Variants in SLC22A24 observed in about 807,000 individuals in gnomAD.
SLC22A24 encodes solute carrier family 22 member 24.
SLC22A24 carries 53 observed loss-of-function variants against 49.8 expected under a neutral mutation model. That is an observed-to-expected ratio of 1.06 (90% CI 0.85 to 1.34). The LOEUF (loss-of-function observed/expected upper bound fraction) is 1.34, where lower values mean the gene tolerates loss of function less well. Among genes scored for constraint, SLC22A24 ranks in the 40% most tolerant of loss-of-function variants. SLC22A24 has a pLI of 0.00. For missense variants in SLC22A24, 786 were observed against 675.9 expected (o/e 1.16, Z -1.81); for synonymous variants, 302 against 256.4 (o/e 1.18, Z -1.70).
chr11:63,115,374 G>A (rs1190026915), intron 4 of SLC22A24, among the ~76,000 whole-genome samples: 2 of 152,226 alleles, frequency 1.3e-5, no homozygotes, highest in Non-Finnish European at 2.9e-5. Flanking sequence ...AGTGAGCCAG[G>A]CATGGGAGAG....
chr11:63,136,385 A>C (rs567180922), intron 1 of SLC22A24, among the ~76,000 whole-genome samples: 1 of 152,344 alleles, frequency 6.6e-6, no homozygotes, highest in South Asian at 2.1e-4. Context: ...CAACACCTGC[A>C]ACTGGCACTG....
At chr11:63,118,308 C>T (rs1318617256) in intron 4 of SLC22A24, among the ~76,000 whole-genome samples, 3 of 152,104 alleles carry the variant, frequency 2.0e-5, no homozygotes, top group East Asian at 1.9e-4. Context: ...CACTTTCTTA[C>T]TGGGACTCAG....
At chr11:63,091,105 C>T (rs1427282507) in intron 6 of SLC22A24, among the ~76,000 whole-genome samples, 1 of 152,114 alleles carries the variant, frequency 6.6e-6, no homozygotes. Context: ...TACAAACTAC[C>T]ATCAAAGAAT....
intron 2 of SLC22A24, among the ~76,000 whole-genome samples, chr11:63,129,310 C>T (rs1257695483): frequency 6.6e-6 from 1 of 152,058 alleles, no homozygotes; most frequent in Non-Finnish European, 1.5e-5. Context: ...ATTTCTGAAG[C>T]TTCTATTCTG....
chr11:63,135,886 G>A (rs945492656), intron 1 of SLC22A24, among the ~76,000 whole-genome samples: 1 of 152,206 alleles, frequency 6.6e-6, no homozygotes, highest in Admixed American at 6.5e-5. Context: ...GATGAGGAGT[G>A]TAGTGGCTGG....
At chr11:63,091,074 T>A (rs1180714718) in intron 6 of SLC22A24, among the ~76,000 whole-genome samples, 4 of 149,560 alleles carry the variant, frequency 2.7e-5, no homozygotes, top group African/African-American at 9.7e-5. Flanking sequence ...AAAAGAGGTA[T>A]CACCACTGAT....
intron 5 of SLC22A24, among the ~76,000 whole-genome samples, chr11:63,097,002 A>T (rs915663488): frequency 2.2e-4 from 34 of 152,178 alleles, no homozygotes; most frequent in African/African-American, 8.2e-4. Flanking sequence ...CATTATTTTT[A>T]AAAATAATAT....
At chr11:63,139,561 C>T (rs763267093) in intron 1 of SLC22A24, among the ~76,000 whole-genome samples, 2 of 152,144 alleles carry the variant, frequency 1.3e-5, no homozygotes, top group African/African-American at 2.4e-5. Context: ...GATATGGAAA[C>T]ATCCCCAACC....
intron 5 of SLC22A24, among the ~76,000 whole-genome samples, chr11:63,097,136 C>T (rs1360942829): frequency 6.6e-6 from 1 of 151,986 alleles, no homozygotes; most frequent in East Asian, 1.9e-4. Context: ...AGCAGGCAAC[C>T]TACAGAATGG....
At chr11:63,127,068 T>G (rs2087296650) in intron 2 of SLC22A24, among the ~76,000 whole-genome samples, 1 of 152,132 alleles carries the variant, frequency 6.6e-6, no homozygotes, top group African/African-American at 2.4e-5. Flanking sequence ...CATATTGGTT[T>G]GCTGCACCCA....
intron 4 of SLC22A24, among the ~76,000 whole-genome samples, chr11:63,113,574 G>A (rs1163512529): frequency 6.6e-6 from 1 of 151,812 alleles, no homozygotes; most frequent in Non-Finnish European, 1.5e-5. Flanking sequence ...AGAATGTTGA[G>A]GCCGGGCACA....
At chr11:63,104,009 T>G in intron 5 of SLC22A24, 166 bp downstream of exon 5, 1 of 590,308 alleles carries the variant, frequency 1.7e-6, no homozygotes, top group South Asian at 3.1e-5. Context: ...TCAATATCTA[T>G]ATCCAAATCT....
At chr11:63,129,908 A>G (rs2087321322) in intron 2 of SLC22A24, among the ~76,000 whole-genome samples, 1 of 152,176 alleles carries the variant, frequency 6.6e-6, no homozygotes, top group Non-Finnish European at 1.5e-5. Context: ...GTATACAATA[A>G]TTTCATCTGC....
Position 63,119,187 on chromosome 11 carries a change from T to C in SLC22A24, c.655A>G (p.Ile219Val). The change falls in exon 3 of 10, where the codon ATT becomes GTT. Residue 219 changes from isoleucine (I) to valine (V), a missense_variant. By Grantham distance (29) the Ile-to-Val change is conservative. Coordinates refer to ENST00000612278, the MANE Select transcript of SLC22A24 (RefSeq NM_001136506.2). Reference sequence around the variant, plus strand: ...GCTCAAATTATTGACTTACTGAGAATAAAAGTGTTTCCCAAAATAGTCATG... The same window carrying C: ...GCTCAAATTATTGACTTACTGAGAACAAAAGTGTTTCCCAAAATAGTCATG... The part of the protein sequence containing the change: ...STMTILGNTF[I>V]LSLEWTLPRS... 2 of 1,541,494 alleles carry C rather than the reference T, an allele frequency of 1.3e-6. No homozygotes were observed. The highest frequency in any genetic ancestry group is 4.9e-5 in the East Asian group (2 of 40,852).
chr11:63,080,960 C>A lies in SLC22A24; in HGVS notation c.1558G>T (p.Asp520Tyr). Residue 520 changes from aspartate to tyrosine, a missense_variant, in exon 9 of 10, where the codon GAT becomes TAT. Asp to Tyr is a radical substitution (Grantham distance 160). Coordinates refer to ENST00000612278, the MANE Select transcript of SLC22A24 (RefSeq NM_001136506.2). The stretch of plus-strand genomic sequence containing the variant: ...TGGATGGTGTTAGGAAGAGGTAGAT[C>A]CCTGGTTTCTGGAAGGAGGAGGATA... ...PVILLLPETR[D>Y]LPLPNTIQDV... 1 of 1,552,488 alleles carries A rather than the reference C, an allele frequency of 6.4e-7. No individual in the cohort carries two copies.
intron 1 of SLC22A24, among the ~76,000 whole-genome samples, chr11:63,142,095 T>C (rs2087419253): frequency 6.6e-6 from 1 of 152,180 alleles, no homozygotes; most frequent in South Asian, 2.1e-4. Context: ...TATAGCATGC[T>C]CTTCATTTAA....
At chr11:63,122,142 T>G (rs1218338440) in intron 2 of SLC22A24, among the ~76,000 whole-genome samples, 2 of 152,194 alleles carry the variant, frequency 1.3e-5, no homozygotes, top group East Asian at 3.9e-4. Context: ...TCATTTTTCT[T>G]TTTAAAGGCC....
At chr11:63,114,707 G>T (rs1338279952) in intron 4 of SLC22A24, among the ~76,000 whole-genome samples, 13 of 152,084 alleles carry the variant, frequency 8.5e-5, no homozygotes. Context: ...TCTACCTTTG[G>T]TCTTTGATTT....
intron 5 of SLC22A24, among the ~76,000 whole-genome samples, chr11:63,096,669 T>G (rs2087056720): frequency 6.6e-6 from 1 of 152,180 alleles, no homozygotes; most frequent in African/African-American, 2.4e-5. Flanking sequence ...TACCCAGTAA[T>G]GGGATTGCTG....
Sources: gnomAD v4.1 joint callset for allele counts (sites outside exome capture counted in the v4.1 genomes callset) on GRCh38, gnomAD v4.1.1 for gene constraint, MANE v1.5 for transcripts, NCBI Gene and HGNC (gene_info 2026-07-23, HGNC 2026-07-21) for gene names.